Variants in QSOX2 observed in about 807,000 individuals in gnomAD.
QSOX2 encodes sulfhydryl oxidase 2.
In QSOX2, 46 loss-of-function variants were observed where a neutral mutation model predicts 61.7. That is an observed-to-expected ratio of 0.75 (90% CI 0.59 to 0.95). QSOX2 has a LOEUF of 0.95. Ranked by LOEUF, QSOX2 falls within the 40% of genes least tolerant of loss-of-function variation. The probability of loss-of-function intolerance (pLI) is 0.00; values close to 1 mark genes in which losing one functional copy is unlikely to be tolerated. For synonymous variants in QSOX2, 383 were observed against 388.4 expected, an observed-to-expected ratio of 0.99 and a Z score of 0.16; for missense variants, 879 against 918.9, an observed-to-expected ratio of 0.96 and a Z score of 0.56.
chr9:136,222,302 G>A lies in QSOX2; in HGVS notation c.676-361C>T, dbSNP rs1462681671. Among the ~76,000 whole-genome samples, 2 of 152,164 alleles carry A rather than the reference G, an allele frequency of 1.3e-5. No homozygotes were observed. Among genetic ancestry groups the A allele is most frequent in the African/African-American group, 2.4e-5 (1 of 41,438 alleles). ...CCCCACGGCCTCGCACTCCCGTCCC[G>A]CGTGTGGAAGCTTCGTGGCCGGGGC... On this transcript the variant is annotated intron_variant, in intron 5 of 11. Transcript: ENST00000358701. The surrounding 1 kb of genome is among the most constrained non-coding windows in gnomAD (Gnocchi z 6.9).
intron 1 of QSOX2, among the ~76,000 whole-genome samples, chr9:136,243,661 A>T (rs746533351): frequency 2.0e-5 from 3 of 152,366 alleles, no homozygotes; most frequent in Non-Finnish European, 2.9e-5. Flanking sequence ...GGCCATGGCC[A>T]CTACACTTAT....
intron 10 of QSOX2, among the ~76,000 whole-genome samples, chr9:136,213,979 T>C (rs1029965133): frequency 2.0e-5 from 3 of 152,208 alleles, no homozygotes; most frequent in Admixed American, 2.0e-4. Context: ...CAGTGGTGGC[T>C]GCTTTAAGCC....
chr9:136,223,886 C>T lies in QSOX2; in HGVS notation c.585-33G>A, dbSNP rs570502749. On this transcript the variant is annotated intron_variant, in intron 4 of 11. Coordinates refer to ENST00000358701, the MANE Select transcript of QSOX2 (RefSeq NM_181701.4). The surrounding 1 kb of genome is among the most constrained non-coding windows in gnomAD (Gnocchi z 4.4). Reference sequence around the variant, plus strand: ...GAGGAAAAAAAGAGGCTTTTAGTGCCGTCAACAGCAGCGAGTTGGCCACCA... The same window carrying T: ...GAGGAAAAAAAGAGGCTTTTAGTGCTGTCAACAGCAGCGAGTTGGCCACCA... The T allele has an allele frequency of 6.9e-6, 11 of 1,603,894 alleles. No homozygotes were observed. Among genetic ancestry groups the T allele is most frequent in the African/African-American group, 6.7e-5 (5 of 74,622 alleles).
chr9:136,239,592 C>CTGT, intron 1 of QSOX2, among the ~76,000 whole-genome samples: 1 of 152,370 alleles, frequency 6.6e-6, no homozygotes, highest in East Asian at 1.9e-4. Flanking sequence ...CACGCAGAGC[C>CTGT]CCTGCACACA....
intron 8 of QSOX2, among the ~76,000 whole-genome samples, chr9:136,217,229 C>T (rs181431838): frequency 2.1e-3 from 326 of 152,344 alleles, no homozygotes; most frequent in Admixed American, 3.9e-3. Context: ...TGAGGCTGGC[C>T]GACATCAACA....
At position 136,221,005 on chromosome 9, in the gene QSOX2, GTTTAC is replaced by G. The variant is rs1489626121; in HGVS notation, c.821+786_821+790del. ...TTCTTTTTCTAACCTGATTCAAGTT[GTTTAC>G]TTTTTCATTGGGCTTATCCGAGGGG... On this transcript the variant is annotated intron_variant, in intron 6 of 11. Transcript: ENST00000358701. This position sits in a 1 kb window ranked among gnomAD's most constrained non-coding sequence, Gnocchi z 4.5. 6.6e-6 allele frequency among the ~76,000 whole-genome samples: 1 copy of G among 152,182 alleles called. No individual in the cohort carries two copies. The highest frequency in any genetic ancestry group is 1.5e-5 in the Non-Finnish European group (1 of 68,036).
At chr9:136,229,317 C>T (rs1014519130) in intron 1 of QSOX2, among the ~76,000 whole-genome samples, 4 of 152,178 alleles carry the variant, frequency 2.6e-5, no homozygotes, top group South Asian at 2.1e-4. Flanking sequence ...CGGCACGGGA[C>T]GCGGAAACAG....
In QSOX2 at chr9:136,223,016, G is replaced by A. The variant is rs1371146115; in HGVS notation, c.675+747C>T. Among the ~76,000 whole-genome samples, 1 of 152,242 alleles carries A rather than the reference G, an allele frequency of 6.6e-6. No individual in the cohort carries two copies. Among genetic ancestry groups the A allele is most frequent in the Admixed American group, 6.5e-5 (1 of 15,292 alleles). ...CAGGAGGGCAGCCAGGGCACAAAGC[G>A]AGACGGTCACAGTGCAGGTGTCTGC... On this transcript the variant is annotated intron_variant, in intron 5 of 11. Coordinates refer to ENST00000358701, the MANE Select transcript of QSOX2 (RefSeq NM_181701.4). The surrounding 1 kb of genome is among the most constrained non-coding windows in gnomAD (Gnocchi z 4.4).
chr9:136,225,953 G>A (rs971317973), intron 2 of QSOX2, among the ~76,000 whole-genome samples: 2 of 152,260 alleles, frequency 1.3e-5, no homozygotes, highest in African/African-American at 2.4e-5. Flanking sequence ...GCAAGTGTGC[G>A]ACACAGGCCC....
rs1427186146 is a variant in QSOX2 at position 136,222,467 on chromosome 9, G to GCGC, written c.676-529_676-527dup. 6.6e-6 allele frequency among the ~76,000 whole-genome samples: 1 copy of GCGC among 152,214 alleles called. No homozygotes were observed. The highest frequency in any genetic ancestry group is 1.5e-5 in the Non-Finnish European group (1 of 68,048). ...CAGGATTTTGGAAGAAACCCTGCGT[G>GCGC]CGCCACCACCACATCGGGCGTACGT... On this transcript the variant is annotated intron_variant, in intron 5 of 11. Transcript: ENST00000358701. This position sits in a 1 kb window ranked among gnomAD's most constrained non-coding sequence, Gnocchi z 6.9.
At chr9:136,224,959 T>C in intron 2 of QSOX2, 50 bp from the exon 3 acceptor site, 1 of 1,430,676 alleles carries the variant, frequency 7.0e-7, no homozygotes, top group South Asian at 1.2e-5. Context: ...CATGGGCATC[T>C]GCATGTGTTT....
rs1831915647 is a variant in QSOX2 at position 136,216,538 on chromosome 9, G to C, written c.1209+62C>G. The C allele has an allele frequency of 5.6e-6, 9 of 1,596,390 alleles. 1 individual carries two copies. In the South Asian group the frequency reaches 1.0e-4, roughly 18 times the overall value. ...GAGCAGGGAGATGCACCAGCTAAGG[G>C]CAAGGGAAGGAAGGCGAGGGAAGGA... On this transcript the variant is annotated intron_variant, in intron 9 of 11. Coordinates refer to ENST00000358701, the MANE Select transcript of QSOX2 (RefSeq NM_181701.4).
intron 9 of QSOX2, among the ~76,000 whole-genome samples, chr9:136,216,033 C>T (rs11103387): frequency 0.34 from 52,268 of 152,186 alleles, 9,260 homozygotes; most frequent in South Asian, 0.42. Context: ...GTGCACCTTA[C>T]AGGATTCCCA....
intron 1 of QSOX2, among the ~76,000 whole-genome samples, chr9:136,232,225 T>C (rs1232238031): frequency 6.6e-6 from 1 of 152,236 alleles, no homozygotes; most frequent in Non-Finnish European, 1.5e-5. Flanking sequence ...GCAGGAACCG[T>C]TGAGGCTGTG....
At chr9:136,243,675 C>A (rs72775706) in intron 1 of QSOX2, among the ~76,000 whole-genome samples, 4 of 152,262 alleles carry the variant, frequency 2.6e-5, no homozygotes. Flanking sequence ...CACTTATTGG[C>A]TCAGAACAAA....
intron 1 of QSOX2, among the ~76,000 whole-genome samples, chr9:136,236,253 C>T (rs570529384): frequency 6.6e-6 from 1 of 152,376 alleles, no homozygotes; most frequent in Non-Finnish European, 1.5e-5. Flanking sequence ...GGAGACAGGA[C>T]TGGCTGCTGC....
intron 1 of QSOX2, among the ~76,000 whole-genome samples, chr9:136,238,836 C>G (rs1298020490): frequency 6.6e-6 from 1 of 152,206 alleles, no homozygotes; most frequent in Non-Finnish European, 1.5e-5. Context: ...CGTGGTTGCC[C>G]CCTTGAGCGA....
chr9:136,236,300 A>G (rs1198153438), intron 1 of QSOX2, among the ~76,000 whole-genome samples: 1 of 152,174 alleles, frequency 6.6e-6, no homozygotes, highest in East Asian at 1.9e-4. Context: ...CCCTGGGGAG[A>G]CGCACGGTGT....
chr9:136,225,032 T>C (rs1830266944), intron 2 of QSOX2, 123 bp from the exon 3 acceptor site: 2 of 632,342 alleles, frequency 3.2e-6, no homozygotes, highest in Non-Finnish European at 5.4e-6. Flanking sequence ...AAAGTTTTCA[T>C]AAATTAATGA....
Sources: allele counts gnomAD v4.1 joint callset (sites outside exome capture counted in the v4.1 genomes callset), GRCh38; gene constraint gnomAD v4.1.1; non-coding constraint Gnocchi (gnomAD v3.1); transcripts MANE v1.5; gene names NCBI Gene and HGNC (gene_info 2026-07-23, HGNC 2026-07-21).